Variants in RALYL observed in about 807,000 individuals in gnomAD.
RALYL encodes RNA-binding Raly-like protein.
Under a neutral mutation model 35.1 loss-of-function variants are expected in RALYL, and 29 were observed. That is an observed-to-expected ratio of 0.83 (90% CI 0.61 to 1.13). RALYL has a LOEUF of 1.13. RALYL is among the 50% of genes most tolerant of loss of function. RALYL has a pLI of 0.00. For missense variants in RALYL, 359 were observed against 360.4 expected (o/e 1.00, Z 0.03); for synonymous variants, 120 against 127.6 (o/e 0.94, Z 0.40).
intron 1 of RALYL, among the ~76,000 whole-genome samples, chr8:84,377,297 G>A (rs1857085425): frequency 1.3e-5 from 2 of 151,694 alleles, no homozygotes; most frequent in Middle Eastern, 6.8e-3. Context: ...TTAATTTATG[G>A]ATTTTGTGGC....
intron 5 of RALYL, among the ~76,000 whole-genome samples, chr8:84,850,803 G>A (rs539953734): frequency 8.5e-5 from 13 of 152,254 alleles, no homozygotes; most frequent in Non-Finnish European, 1.2e-4. Context: ...GGTTGAATTA[G>A]CTTTGACATT....
At chr8:84,382,913 A>G (rs1858325496) in intron 1 of RALYL, among the ~76,000 whole-genome samples, 1 of 151,774 alleles carries the variant, frequency 6.6e-6, no homozygotes, top group African/African-American at 2.4e-5. Context: ...GTAGGCATCC[A>G]GAATTTTCCC....
At chr8:84,301,951 T>C (rs1339850207) in intron 1 of RALYL, among the ~76,000 whole-genome samples, 1 of 152,132 alleles carries the variant, frequency 6.6e-6, no homozygotes, top group East Asian at 1.9e-4. Context: ...GGATTTTCAT[T>C]TCTTCAATTT....
At chr8:84,279,999 G>A (rs1486571028) in intron 1 of RALYL, among the ~76,000 whole-genome samples, 16 of 152,186 alleles carry the variant, frequency 1.1e-4, no homozygotes, top group Admixed American at 1.0e-3. Flanking sequence ...ATAGATAACA[G>A]AATAATCTTG....
chr8:84,592,858 A>G (rs1813603945), intron 2 of RALYL, among the ~76,000 whole-genome samples: 1 of 152,140 alleles, frequency 6.6e-6, no homozygotes, highest in Non-Finnish European at 1.5e-5. Flanking sequence ...AAATTTGCAC[A>G]CAAGGATAAG....
At chr8:84,461,136 A>G (rs533383827) in intron 1 of RALYL, among the ~76,000 whole-genome samples, 1 of 151,660 alleles carries the variant, frequency 6.6e-6, no homozygotes, top group Non-Finnish European at 1.5e-5. Flanking sequence ...AAAATTTCTA[A>G]AAGATTACTC....
intron 1 of RALYL, among the ~76,000 whole-genome samples, chr8:84,389,155 A>G (rs1049942641): frequency 2.0e-5 from 3 of 152,008 alleles, no homozygotes; most frequent in Admixed American, 6.6e-5. Context: ...ATAGTTGTAG[A>G]TATACGGCGT....
intron 1 of RALYL, among the ~76,000 whole-genome samples, chr8:84,441,249 T>C (rs2048300314): frequency 6.6e-6 from 1 of 152,138 alleles, no homozygotes; most frequent in African/African-American, 2.4e-5. Flanking sequence ...GTGTTTAATT[T>C]TATTTTCTGT....
intron 1 of RALYL, among the ~76,000 whole-genome samples, chr8:84,407,035 T>TACAC (rs1413859478): frequency 7.1e-6 from 1 of 141,688 alleles, no homozygotes; most frequent in Non-Finnish European, 1.5e-5. Flanking sequence ...TATATATATA[T>TACAC]ACACACACAC....
intron 2 of RALYL, among the ~76,000 whole-genome samples, chr8:84,694,879 G>A (rs1838823896): frequency 6.6e-6 from 1 of 151,704 alleles, no homozygotes. Context: ...CATGGGTATA[G>A]CCAGTAATAA....
At chr8:84,588,866 TG>T (rs1169182214) in intron 2 of RALYL, among the ~76,000 whole-genome samples, 8 of 151,898 alleles carry the variant, frequency 5.3e-5, no homozygotes, top group African/African-American at 1.9e-4. Flanking sequence ...TTTTTTGTTT[TG>T]TTTTTTATTC....
chr8:84,434,729 C>T (rs755824025), intron 1 of RALYL, among the ~76,000 whole-genome samples: 4 of 152,024 alleles, frequency 2.6e-5, no homozygotes, highest in East Asian at 1.9e-4. Context: ...ACTTCAGCCT[C>T]GACTACCTGA....
At chr8:84,836,154 C>A (rs534659190) in intron 4 of RALYL, among the ~76,000 whole-genome samples, 6 of 152,230 alleles carry the variant, frequency 3.9e-5, no homozygotes, top group African/African-American at 1.4e-4. Flanking sequence ...GTGTTACTAG[C>A]CAAAAGAAAG....
chr8:84,613,440 C>T (rs1588507533), intron 2 of RALYL, among the ~76,000 whole-genome samples: 1 of 151,334 alleles, frequency 6.6e-6, no homozygotes, highest in African/African-American at 2.4e-5. Flanking sequence ...CCATAGAATC[C>T]ACCGGATGTT....
chr8:84,186,235 C>T (rs1338059811), intron 1 of RALYL, among the ~76,000 whole-genome samples: 1 of 152,070 alleles, frequency 6.6e-6, no homozygotes, highest in East Asian at 1.9e-4. Flanking sequence ...TATGATGGCA[C>T]TAAGCCTGAA....
intron 1 of RALYL, among the ~76,000 whole-genome samples, chr8:84,448,297 A>G (rs1010800935): frequency 6.6e-6 from 1 of 152,070 alleles, no homozygotes; most frequent in Non-Finnish European, 1.5e-5. Context: ...ATGCACAAAT[A>G]CAAGCCATAT....
intron 8 of RALYL, among the ~76,000 whole-genome samples, chr8:84,896,693 T>A (rs896191715): frequency 2.7e-4 from 41 of 152,152 alleles, no homozygotes; most frequent in African/African-American, 9.9e-4. Flanking sequence ...CACCCCTGAA[T>A]GTGGGGACAA....
At chr8:84,482,903 T>A (rs562618531) in intron 1 of RALYL, among the ~76,000 whole-genome samples, 1 of 152,216 alleles carries the variant, frequency 6.6e-6, no homozygotes, top group South Asian at 2.1e-4. Flanking sequence ...AAGTCCTATA[T>A]AGCCATGAAG....
intron 2 of RALYL, among the ~76,000 whole-genome samples, chr8:84,732,668 T>TTATATATATATGTATATATA (rs780316979): frequency 0.012 from 1,527 of 132,416 alleles, 77 homozygotes; most frequent in African/African-American, 0.045. Flanking sequence ...TATTAAATAA[T>TTATATATATATGTATATATA]TATATATATA....
Sources: allele counts gnomAD v4.1 joint callset (sites outside exome capture counted in the v4.1 genomes callset), GRCh38; gene constraint gnomAD v4.1.1; transcripts MANE v1.5; gene names NCBI Gene and HGNC (gene_info 2026-07-23, HGNC 2026-07-21).